Variants in SLC28A3 observed in about 807,000 individuals in gnomAD.
The protein encoded by SLC28A3 is solute carrier family 28 member 3, also known as concentrative Na(+)-nucleoside cotransporter 3.
In SLC28A3, 68 loss-of-function variants were observed where a neutral mutation model predicts 84.2. That is an observed-to-expected ratio of 0.81 (90% CI 0.66 to 0.99). SLC28A3 has a LOEUF of 0.99. SLC28A3 is among the 50% of genes least tolerant of loss of function. The pLI, the probability that SLC28A3 is intolerant of heterozygous loss-of-function variation, is 0.00. For missense variants in SLC28A3, 712 were observed against 841.5 expected (o/e 0.85, Z 1.90); for synonymous variants, 267 against 303.6 (o/e 0.88, Z 1.25).
intron 8 of SLC28A3, 123 bp from the exon 9 acceptor site, chr9:84,294,398 T>C: frequency 1.2e-6 from 1 of 861,680 alleles, no homozygotes; most frequent in Non-Finnish European, 1.8e-6. Context: ...GGGAAACTCC[T>C]CTTGAACTTT....
At chr9:84,292,797 A>G in intron 9 of SLC28A3, 49 bp from the exon 10 acceptor site, 1 of 1,331,574 alleles carries the variant, frequency 7.5e-7, no homozygotes, top group East Asian at 2.6e-5. Flanking sequence ...TTGTATACCC[A>G]AAACTTCAAA....
chr9:84,319,641 TTG>T (rs1407489345), intron 1 of SLC28A3, among the ~76,000 whole-genome samples: 1 of 152,234 alleles, frequency 6.6e-6, no homozygotes, highest in Non-Finnish European at 1.5e-5. Context: ...TGTTGATCAT[TTG>T]TGTTTATTAA....
intron 1 of SLC28A3, among the ~76,000 whole-genome samples, chr9:84,325,194 CTTTTA>C (rs1245218394): frequency 6.6e-6 from 1 of 151,952 alleles, no homozygotes; most frequent in African/African-American, 2.4e-5. Flanking sequence ...CCTCTCCTAC[CTTTTA>C]TTTATTTTTT....
At chr9:84,293,622 A>C (rs1825315204) in intron 9 of SLC28A3, among the ~76,000 whole-genome samples, 1 of 152,210 alleles carries the variant, frequency 6.6e-6, no homozygotes, top group South Asian at 2.1e-4. Context: ...TAACACATGA[A>C]CATAGGACTC....
chr9:84,282,287 T>C (rs914457294), intron 14 of SLC28A3, among the ~76,000 whole-genome samples: 16 of 151,914 alleles, frequency 1.1e-4, no homozygotes, highest in Non-Finnish European at 1.5e-4. Flanking sequence ...GGAAAACCTT[T>C]TTTTTTTTTA....
At position 84,299,673 on chromosome 9, in the gene SLC28A3, T is replaced by C. The variant is rs922244652; in HGVS notation, c.577A>G (p.Thr193Ala). 1 of 1,613,066 alleles carries C rather than the reference T, an allele frequency of 6.2e-7. No individual in the cohort carries two copies. The highest frequency in any genetic ancestry group is 1.7e-5 in the Admixed American group (1 of 59,764). ...AGCTGCTGTTGACCCAATTTGGCAGTGTCAAAGGCCAACCAGAAAATAACT... is the reference window on the plus strand; with the variant it reads ...AGCTGCTGTTGACCCAATTTGGCAGCGTCAAAGGCCAACCAGAAAATAACT... ...LAVIFWLAFD[T>A]AKLGQQQLVS... Residue 193 changes from threonine to alanine, a missense_variant, in exon 6 of 18, where the codon ACT (threonine) becomes GCT (alanine). Physicochemically the swap from Thr to Ala is moderately conservative, Grantham distance 58. Coordinates refer to ENST00000376238, the MANE Select transcript of SLC28A3 (RefSeq NM_001199633.2).
intron 10 of SLC28A3, 42 bp from the exon 11 acceptor site, chr9:84,290,321 T>A (rs745554225): frequency 1.4e-5 from 23 of 1,606,378 alleles, no homozygotes. Flanking sequence ...TTTAAATCTG[T>A]GTGGGGGCAG....
chr9:84,319,965 A>G (rs552755167), intron 1 of SLC28A3, among the ~76,000 whole-genome samples: 8 of 151,452 alleles, frequency 5.3e-5, no homozygotes, highest in African/African-American at 1.7e-4. Flanking sequence ...CCAAAAATTC[A>G]TAGATAAGTA....
intron 1 of SLC28A3, among the ~76,000 whole-genome samples, chr9:84,337,630 C>T (rs1364311076): frequency 1.3e-5 from 2 of 152,120 alleles, no homozygotes; most frequent in African/African-American, 4.8e-5. Context: ...CTTAGATATT[C>T]CACATACACG....
At chr9:84,327,049 A>G (rs1453011352) in intron 1 of SLC28A3, among the ~76,000 whole-genome samples, 2 of 147,212 alleles carry the variant, frequency 1.4e-5, no homozygotes, top group East Asian at 3.9e-4. Context: ...TAGCACCTCA[A>G]AAAAACTCTC....
At chr9:84,357,960 T>C in the SLC28A3 span, among the ~76,000 whole-genome samples, 15 of 152,294 alleles carry the variant, frequency 9.8e-5, no homozygotes, top group South Asian at 3.1e-3. Context: ...GAGGCAGATG[T>C]ACAGAGAATC....
chr9:84,360,077 C>T, the SLC28A3 span, among the ~76,000 whole-genome samples: 110 of 150,898 alleles, frequency 7.3e-4, no homozygotes, highest in Middle Eastern at 3.5e-3. Flanking sequence ...GAGACTCTGA[C>T]GTGGGAAGGA....
At chr9:84,350,960 G>A in the SLC28A3 span, among the ~76,000 whole-genome samples, 1 of 152,136 alleles carries the variant, frequency 6.6e-6, no homozygotes. Flanking sequence ...TCCCACCTCA[G>A]CCTCCCAAAG....
At chr9:84,313,576 A>T in intron 1 of SLC28A3, 122 bp from the exon 2 acceptor site, 2 of 723,780 alleles carry the variant, frequency 2.8e-6, no homozygotes, top group Non-Finnish European at 4.6e-6. Flanking sequence ...GTTCAGATGA[A>T]GCATCCGATT....
intron 16 of SLC28A3, among the ~76,000 whole-genome samples, 159 bp from the exon 17 acceptor site, chr9:84,279,544 C>A (rs1358254652): frequency 6.6e-6 from 1 of 152,182 alleles, no homozygotes; most frequent in African/African-American, 2.4e-5. Context: ...CGGGTTCAAG[C>A]GATTCAAGTG....
At chr9:84,291,469 T>C (rs1825219673) in intron 10 of SLC28A3, among the ~76,000 whole-genome samples, 1 of 152,182 alleles carries the variant, frequency 6.6e-6, no homozygotes, top group Non-Finnish European at 1.5e-5. Flanking sequence ...CCTGAGTAGC[T>C]GGGATTCCAG....
intron 2 of SLC28A3, among the ~76,000 whole-genome samples, chr9:84,311,476 G>A (rs1183736194): frequency 6.6e-6 from 1 of 151,702 alleles, no homozygotes; most frequent in Non-Finnish European, 1.5e-5. Flanking sequence ...TCTTGGTCTT[G>A]TACATTCTAT....
At chr9:84,340,381 C>T (rs1042142360) in intron 1 of SLC28A3, among the ~76,000 whole-genome samples, 193 bp downstream of exon 1, 4 of 152,092 alleles carry the variant, frequency 2.6e-5, no homozygotes, top group African/African-American at 9.7e-5. Context: ...CACAACACAT[C>T]GATTAAAAGA....
chr9:84,299,593 C>T lies in SLC28A3; in HGVS notation c.657G>A (p.Lys219=). The T allele has an allele frequency of 1.2e-6, 2 of 1,613,816 alleles. No individual in the cohort carries two copies. Among genetic ancestry groups the T allele is most frequent in the Non-Finnish European group, 1.7e-6 (2 of 1,179,926 alleles). Residue 219 remains lysine (K), a synonymous_variant, in exon 6 of 18, where the codon AAG becomes AAA. Transcript: ENST00000376238. ...ACTGGATACTTACTCTGGTTGGGTA[C>T]TTGGAAAATAGAAATAACAGGACAA... is the stretch of plus-strand genomic sequence containing the variant. ...MYIVLLFLFS[K]YPTRVYWRPV...
Sources: allele counts gnomAD v4.1 joint callset (sites outside exome capture counted in the v4.1 genomes callset), GRCh38; gene constraint gnomAD v4.1.1; transcripts MANE v1.5; gene names NCBI Gene and HGNC (gene_info 2026-07-23, HGNC 2026-07-21).